Variants in DCTN1 observed in about 807,000 individuals in gnomAD.
DCTN1 encodes 150 kDa dynein-associated polypeptide.
Under a neutral mutation model 161.2 loss-of-function variants are expected in DCTN1, and 61 were observed. The ratio of observed to expected loss-of-function variants is 0.38; its 90% confidence interval spans 0.31 to 0.47. The LOEUF (loss-of-function observed/expected upper bound fraction) is 0.47, where lower values mean the gene tolerates loss of function less well. Among genes scored for constraint, DCTN1 ranks in the 20% least tolerant of loss-of-function variants. DCTN1 has a pLI of 0.99. For missense variants in DCTN1, 1,404 were observed against 1,623.7 expected (o/e 0.86, Z 2.33); for synonymous variants, 653 against 632.4 (o/e 1.03, Z -0.49).
chr2:74,390,869 A>T (rs1675962604), intron 1 of DCTN1: 1 of 177,142 alleles, frequency 5.6e-6, no homozygotes, highest in Admixed American at 5.6e-5. Flanking sequence ...TCCAATTCCC[A>T]AACGGTTCCC....
In DCTN1 at chr2:74,371,148, C is replaced by T. The variant is rs1411382364; in HGVS notation, c.674G>A (p.Arg225Gln). Reference protein sequence around the residue: ...KEEEGLRAQVRDLEEKLETLR... With the variant: ...KEEEGLRAQVQDLEEKLETLR... ...GGTCTCTAGTTTCTCCTCCAGGTCC[C>T]GCACCTGAGCCCTTAGTCCCTCCTC... The change falls in exon 9 of 32, where the codon CGG becomes CAG. Residue 225 changes from arginine to glutamine, a missense_variant. By Grantham distance (43) the Arg-to-Gln change is conservative. This residue lies in a region of DCTN1 where 67 missense variants were observed against 116.3 expected (regional missense o/e 0.58). Transcript: ENST00000628224. The T allele has an allele frequency of 9.9e-6, 16 of 1,613,900 alleles. No homozygotes were observed. Among genetic ancestry groups the T allele is most frequent in the South Asian group, 5.5e-5 (5 of 91,090 alleles).
At chr2:74,364,934 G>A (rs1172599802) in intron 26 of DCTN1, 141 bp downstream of exon 26, 1 of 1,073,864 alleles carries the variant, frequency 9.3e-7, no homozygotes. Flanking sequence ...GGTGAAAACT[G>A]GCACAGAGTG....
At chr2:74,374,835 G>A (rs1243286112) in intron 5 of DCTN1, 3 of 871,670 alleles carry the variant, frequency 3.4e-6, no homozygotes, top group Non-Finnish European at 4.2e-6. Flanking sequence ...CAAAGAACAG[G>A]TTTTGGCTCC....
At chr2:74,377,522 TATA>T (rs1206240520) in intron 3 of DCTN1, 56 bp from the exon 4 acceptor site, 118 of 1,551,216 alleles carry the variant, frequency 7.6e-5, no homozygotes, top group Non-Finnish European at 4.5e-6. Context: ...TAGGGGGAGA[TATA>T]ATAAGGGAAT....
In DCTN1 at chr2:74,366,572, C is replaced by T; in HGVS notation, c.2515G>A (p.Ala839Thr). The T allele has an allele frequency of 6.2e-7, 1 of 1,613,502 alleles. No individual in the cohort carries two copies. The highest frequency in any genetic ancestry group is 8.5e-7 in the Non-Finnish European group (1 of 1,180,016). Reference protein sequence around the residue: ...DCRKHLTWVVAVLQEVAAAAA... With the variant: ...DCRKHLTWVVTVLQEVAAAAA... ...GCAGCTGCCACCTCCTGCAGCACAGCCACGACCCACGTCAAGTGTTTCCTG... is the reference window on the plus strand; with the variant it reads ...GCAGCTGCCACCTCCTGCAGCACAGTCACGACCCACGTCAAGTGTTTCCTG... The change falls in exon 22 of 32, where the codon GCT (alanine) becomes ACT (threonine). Residue 839 changes from alanine to threonine, a missense_variant. Ala to Thr is a moderately conservative substitution (Grantham distance 58, BLOSUM62 0). This residue lies in a region of DCTN1 where 475 missense variants were observed against 489.8 expected (regional missense o/e 0.97). Coordinates refer to ENST00000628224, the MANE Select transcript of DCTN1 (RefSeq NM_004082.5).
At chr2:74,375,169 G>A (rs1327122656) in intron 5 of DCTN1, among the ~76,000 whole-genome samples, 1 of 152,152 alleles carries the variant, frequency 6.6e-6, no homozygotes, top group African/African-American at 2.4e-5. Flanking sequence ...TGCGGAACAC[G>A]CATCTGGGTA....
At chr2:74,381,470 T>C (rs774665359), upstream of DCTN1, among the ~76,000 whole-genome samples, 42 of 152,174 alleles carry the variant, frequency 2.8e-4, no homozygotes, top group Non-Finnish European at 5.3e-4. Flanking sequence ...AAATCTTCAG[T>C]CCTGGCCAGA....
rs1357089479 is a variant in DCTN1 at position 74,363,170 on chromosome 2, T to C, written c.3353A>G (p.Gln1118Arg). 4 of 1,614,138 alleles carry C rather than the reference T, an allele frequency of 2.5e-6. No individual in the cohort carries two copies. The highest frequency in any genetic ancestry group is 3.3e-5 in the Admixed American group (2 of 60,014). The change falls in exon 29 of 32, where the codon CAG becomes CGG. Residue 1118 changes from glutamine (Q) to arginine (R), a missense_variant. Gln to Arg is a conservative substitution (Grantham distance 43). Coordinates refer to ENST00000628224, the MANE Select transcript of DCTN1 (RefSeq NM_004082.5). ...QHENSILKGAQMKASLASLPP... is the reference protein window; with the variant it reads ...QHENSILKGARMKASLASLPP... Reference sequence around the variant, plus strand: ...CAGGGATGCCAAGGATGCCTTCATCTGGGCTCCCTGTGGATGAAAAAAGAA... The same window carrying C: ...CAGGGATGCCAAGGATGCCTTCATCCGGGCTCCCTGTGGATGAAAAAAGAA...
At chr2:74,385,856 A>G (rs1675703277) in intron 1 of DCTN1, 1 of 152,216 alleles carries the variant, frequency 6.6e-6, no homozygotes, top group South Asian at 2.1e-4. Context: ...AAACTGAGAA[A>G]ACACATAAGG....
chr2:74,367,283 G>C lies in DCTN1; in HGVS notation c.2253+69C>G, dbSNP rs1674491595. On this transcript the variant is annotated intron_variant, in intron 19 of 31. Transcript: ENST00000628224. The stretch of plus-strand genomic sequence containing the variant: ...CTTATGTGACACTTCTTGGGTGCCT[G>C]ATCTCTTGACCTGATGCCCTCCATT... 26 of 1,589,982 alleles carry C rather than the reference G, an allele frequency of 1.6e-5. No homozygotes were observed. The South Asian group carries it at 2.3e-4, about 14-fold the overall frequency.
chr2:74,361,617 T>C lies in DCTN1; in HGVS notation c.3719A>G (p.Asp1240Gly), dbSNP rs779726319. 3.1e-6 allele frequency: 5 copies of C among 1,614,096 alleles called. No homozygotes were observed. Among genetic ancestry groups the C allele is most frequent in the Non-Finnish European group, 4.2e-6 (5 of 1,180,016 alleles). Residue 1240 changes from aspartate (D) to glycine (G), a missense_variant, in exon 32 of 32, where the codon GAT (aspartate) becomes GGT (glycine). By Grantham distance (94) the Asp-to-Gly change is moderately conservative. Around this residue, in one of 9 missense-constraint regions of DCTN1, gnomAD observed 311 missense variants for 298.9 expected, o/e 1.04. Transcript: ENST00000628224. Reference sequence around the variant, plus strand: ...CACTTTGCCCATGTAGACTGTGTCATCCTGCTGCTCCTCCTTGGCCTGGTG... The same window carrying C: ...CACTTTGCCCATGTAGACTGTGTCACCCTGCTGCTCCTCCTTGGCCTGGTG... ...AFLRAKEEQQ[D>G]DTVYMGKVTF...
At chr2:74,371,920 GAT>G (rs1214831315) in intron 7 of DCTN1, 192 bp from the exon 8 acceptor site, 9 of 593,132 alleles carry the variant, frequency 1.5e-5, no homozygotes, top group Non-Finnish European at 2.7e-5. Flanking sequence ...GGCAGAGAGA[GAT>G]AGTGACAAAG....
chr2:74,374,786 CATGACAGT>C, intron 5 of DCTN1: 2 of 1,081,534 alleles, frequency 1.8e-6, no homozygotes, highest in Non-Finnish European at 2.3e-6. Flanking sequence ...TCCTCCTCCT[CATGACAGT>C]CATGCGCAGA....
rs201063854 is a variant in DCTN1, at chr2:74,366,464, C to T, written c.2623G>A (p.Glu875Lys). Residue 875 changes from glutamate to lysine, a missense_variant, in exon 22 of 32, where the codon GAG becomes AAG. By Grantham distance (56) the Glu-to-Lys change is moderately conservative (BLOSUM62 1). Transcript: ENST00000628224. ...ALEELAFKAS[E>K]QIYGTPSSSP... is the part of the protein sequence containing the mutation. ...ACCCAGCCATCCAGGCCCACCTGCTCGCTTGCTTTGAAAGCCAGTTCCTCC... is the reference window on the plus strand; with the variant it reads ...ACCCAGCCATCCAGGCCCACCTGCTTGCTTGCTTTGAAAGCCAGTTCCTCC... The T allele has an allele frequency of 1.4e-4, 231 of 1,614,208 alleles. No homozygotes were observed. The highest frequency in any genetic ancestry group is 8.9e-5 in the East Asian group (4 of 44,880).
Position 74,366,872 on chromosome 2 carries a change from C to G in DCTN1, c.2377G>C (p.Asp793His), listed in dbSNP as rs1488334244. 2.5e-6 allele frequency: 4 copies of G among 1,614,114 alleles called. No individual in the cohort carries two copies. The highest frequency in any genetic ancestry group is 3.4e-6 in the Non-Finnish European group (4 of 1,180,056). The change falls in exon 21 of 32, where the codon GAC (aspartate) becomes CAC (histidine). Residue 793 changes from aspartate to histidine, a missense_variant. Coordinates refer to ENST00000628224, the MANE Select transcript of DCTN1 (RefSeq NM_004082.5). ...LLRDLETSCS[D>H]IRQFCKKIRR... ...ATCTTCTTGCAGAACTGGCGGATGT[C>G]ACTGCATGAAGTTTCCAGATCCCGG...
chr2:74,364,985 A>AG, intron 26 of DCTN1, 90 bp downstream of exon 26: 3 of 1,549,182 alleles, frequency 1.9e-6, no homozygotes, highest in Non-Finnish European at 2.7e-6. Flanking sequence ...CCCGGGGGTA[A>AG]GGGGGGTGGG....
Position 74,370,543 on chromosome 2 carries a change from G to A in DCTN1, c.1050C>T (p.Gly350=). ...GATAACTGGATGCAGCGCCATCTGA[G>A]CCTGGAGAAGATCATTAACACTTTC... ...EILKAEIEEK[G]SDGAASSYQL... Residue 350 remains glycine, a splice_region_variant and synonymous_variant, in exon 11 of 32, where the codon GGC becomes GGT. Coordinates refer to ENST00000628224, the MANE Select transcript of DCTN1 (RefSeq NM_004082.5). This position sits in a 1 kb window ranked among gnomAD's most constrained non-coding sequence, Gnocchi z 4.4. The A allele has an allele frequency of 6.2e-7, 1 of 1,614,112 alleles. No homozygotes were observed. The highest frequency in any genetic ancestry group is 8.5e-7 in the Non-Finnish European group (1 of 1,180,036).
chr2:74,366,180 C>T, intron 23 of DCTN1, 64 bp downstream of exon 23: 1 of 1,612,826 alleles, frequency 6.2e-7, no homozygotes, highest in Non-Finnish European at 8.5e-7. Flanking sequence ...CCACAACTAG[C>T]AGTAGCTCTG....
rs773177686 is a variant in DCTN1, at chr2:74,365,059, A to G, written c.3196+16T>C. On this transcript the variant is annotated intron_variant, in intron 26 of 31. Transcript: ENST00000628224. ...AATCTCCTCTGTGCTAGTGCTGCCT[A>G]TTCCACAGTACTCACCACCAGCAAT... 3 of 1,614,028 alleles carry G rather than the reference A, an allele frequency of 1.9e-6. No homozygotes were observed. Among genetic ancestry groups the G allele is most frequent in the Admixed American group, 1.7e-5 (1 of 60,006 alleles).
Sources: gnomAD v4.1 joint callset for allele counts (sites outside exome capture counted in the v4.1 genomes callset) on GRCh38, gnomAD v4.1.1 for gene constraint, gnomAD v4.1.1 regional missense constraint, Gnocchi (gnomAD v3.1) non-coding constraint, MANE v1.5 for transcripts, NCBI Gene and HGNC (gene_info 2026-07-23, HGNC 2026-07-21) for gene names.